IL1RAPL2: variants seen among roughly 807,000 people sequenced by gnomAD.
IL1RAPL2 encodes interleukin 1 receptor accessory protein like 2.
A neutral mutation model predicts 44.1 loss-of-function variants in IL1RAPL2; 3 were observed. That is an observed-to-expected ratio of 0.07 (90% confidence interval 0.03 to 0.18). The LOEUF is 0.18. Among genes scored for constraint, IL1RAPL2 ranks in the 10% least tolerant of loss-of-function variants. IL1RAPL2 has a pLI of 1.00. For synonymous variants in IL1RAPL2, 181 were observed against 178.8 expected (o/e 1.01, Z -0.10); for missense variants, 391 against 496.4 (o/e 0.79, Z 2.02).
chrX:105,221,144 A>G (rs782191832), intron 3 of IL1RAPL2, among the ~76,000 whole-genome samples: 10 of 111,823 alleles, frequency 8.9e-5, no homozygotes, highest in Non-Finnish European at 1.9e-4. Context: ...TGGGCAAAAG[A>G]TTATCCCAAC....
intron 1 of IL1RAPL2, among the ~76,000 whole-genome samples, chrX:104,623,337 T>C (rs1334903512): frequency 9.0e-6 from 1 of 110,870 alleles, no homozygotes; most frequent in Admixed American, 9.8e-5. Flanking sequence ...CATTTCTGCT[T>C]CTGGAGTAGC....
At chrX:105,054,679 A>G (rs764532782) in intron 2 of IL1RAPL2, among the ~76,000 whole-genome samples, 2 of 112,395 alleles carry the variant, frequency 1.8e-5, no homozygotes, top group Non-Finnish European at 3.8e-5. Context: ...AATTAGATAC[A>G]CGTGGCTAGT....
At chrX:104,628,457 G>C (rs1312278795) in intron 1 of IL1RAPL2, among the ~76,000 whole-genome samples, 1 of 111,016 alleles carries the variant, frequency 9.0e-6, no homozygotes, top group Non-Finnish European at 1.9e-5. Context: ...TTGTATTTCT[G>C]TGCCTGGCTT....
At chrX:105,560,559 C>T (rs2036928451) in intron 6 of IL1RAPL2, among the ~76,000 whole-genome samples, 1 of 110,700 alleles carries the variant, frequency 9.0e-6, no homozygotes, top group African/African-American at 3.3e-5. Flanking sequence ...GCTGGGATTA[C>T]AGGTGCCTGC....
chrX:104,884,223 A>C (rs1175439032), intron 2 of IL1RAPL2, among the ~76,000 whole-genome samples: 1 of 108,643 alleles, frequency 9.2e-6, no homozygotes, highest in Non-Finnish European at 1.9e-5. Flanking sequence ...AGAATGCATC[A>C]GTAAGGGCCA....
chrX:104,888,698 C>G (rs1923329783), intron 2 of IL1RAPL2, among the ~76,000 whole-genome samples: 1 of 111,422 alleles, frequency 9.0e-6, no homozygotes, highest in African/African-American at 3.3e-5. Context: ...CTATCAACTT[C>G]TGCTTACGTT....
intron 1 of IL1RAPL2, among the ~76,000 whole-genome samples, chrX:104,633,635 G>T (rs1929712703): frequency 8.9e-6 from 1 of 112,004 alleles, no homozygotes; most frequent in Admixed American, 9.5e-5. Flanking sequence ...GCATAGAGGT[G>T]TTTATAGTAT....
chrX:104,672,549 A>T (rs1488296975), intron 2 of IL1RAPL2, among the ~76,000 whole-genome samples: 10 of 103,608 alleles, frequency 9.7e-5, no homozygotes, highest in Admixed American at 5.3e-4. Context: ...TAATGCCGCA[A>T]TAAACATACG....
At chrX:105,258,492 G>A (rs928403287) in intron 4 of IL1RAPL2, among the ~76,000 whole-genome samples, 1 of 111,859 alleles carries the variant, frequency 8.9e-6, no homozygotes, top group African/African-American at 3.2e-5. Flanking sequence ...GCAAAGTTGG[G>A]GAAGTTTTCA....
chrX:105,639,962 A>G (rs185270238), intron 6 of IL1RAPL2, among the ~76,000 whole-genome samples: 26 of 111,528 alleles, frequency 2.3e-4, no homozygotes, highest in African/African-American at 7.8e-4. Context: ...AGTCATGTCA[A>G]ACTTGGAGTC....
At chrX:105,195,198 A>G (rs1556140017) in intron 2 of IL1RAPL2, among the ~76,000 whole-genome samples, 3 of 108,149 alleles carry the variant, frequency 2.8e-5, no homozygotes, top group Non-Finnish European at 5.7e-5. Context: ...GGACAACCCT[A>G]TAGGCATGAG....
At chrX:105,738,872 G>A (rs1250625909) in intron 7 of IL1RAPL2, among the ~76,000 whole-genome samples, 1 of 110,513 alleles carries the variant, frequency 9.0e-6, no homozygotes, top group Non-Finnish European at 1.9e-5. Flanking sequence ...ATGTTGCAGA[G>A]GGCTTCTCCT....
At chrX:105,478,896 T>C (rs1425314812) in intron 5 of IL1RAPL2, among the ~76,000 whole-genome samples, 1 of 112,018 alleles carries the variant, frequency 8.9e-6, no homozygotes, top group Non-Finnish European at 1.9e-5. Flanking sequence ...ACATGATCTT[T>C]ATCCTCCAGG....
intron 6 of IL1RAPL2, among the ~76,000 whole-genome samples, chrX:105,621,729 T>C (rs2037419743): frequency 9.0e-6 from 1 of 111,477 alleles, no homozygotes; most frequent in South Asian, 3.7e-4. Flanking sequence ...TTTTAAGCTG[T>C]TGCCAGTCAC....
intron 2 of IL1RAPL2, among the ~76,000 whole-genome samples, chrX:105,035,732 A>T (rs781725419): frequency 8.9e-6 from 1 of 112,549 alleles, no homozygotes; most frequent in Non-Finnish European, 1.9e-5. Flanking sequence ...TTACTGGTCA[A>T]AGGAGAAAAA....
intron 2 of IL1RAPL2, among the ~76,000 whole-genome samples, chrX:105,092,830 G>T (rs1005388977): frequency 1.1e-4 from 12 of 110,775 alleles, no homozygotes; most frequent in African/African-American, 3.9e-4. Context: ...CCTCCCTCTA[G>T]TGCCCATGCT....
In IL1RAPL2 at chrX:104,759,334, C is replaced by A. The variant is rs146815491; in HGVS notation, c.82+100339C>A. Among the ~76,000 whole-genome samples, 700 of 111,681 alleles carry A rather than the reference C, an allele frequency of 6.3e-3. 3 individuals are homozygous for A. Among genetic ancestry groups the A allele is most frequent in the African/African-American group, 0.022 (668 of 30,826 alleles). ...CCTTACATACTTGTTCTGATGGCAACCAGTATCATGGGGGTTGAAGTTAGA... is the reference window on the plus strand; with the variant it reads ...CCTTACATACTTGTTCTGATGGCAAACAGTATCATGGGGGTTGAAGTTAGA... On this transcript the variant is annotated intron_variant, in intron 2 of 10. Transcript: ENST00000372582.
At chrX:104,819,651 A>G (rs1921244698) in intron 2 of IL1RAPL2, among the ~76,000 whole-genome samples, 1 of 112,097 alleles carries the variant, frequency 8.9e-6, no homozygotes, top group Non-Finnish European at 1.9e-5. Flanking sequence ...GAGGTAGCCA[A>G]CACTCTCCTA....
intron 4 of IL1RAPL2, among the ~76,000 whole-genome samples, chrX:105,239,406 G>T (rs781798911): frequency 8.1e-5 from 9 of 111,397 alleles, no homozygotes; most frequent in African/African-American, 2.6e-4. Flanking sequence ...CTTTCTAGAA[G>T]AATGAAGGAC....
Sources: allele counts gnomAD v4.1 joint callset (sites outside exome capture counted in the v4.1 genomes callset), GRCh38; gene constraint gnomAD v4.1.1; transcripts MANE v1.5; gene names NCBI Gene and HGNC (gene_info 2026-07-23, HGNC 2026-07-21).